The following PRDM5 variants were observed in gnomAD, a reference collection of about 807,000 sequenced individuals.
PRDM5 encodes the protein PR/SET domain 5.
Under a neutral mutation model 81.2 loss-of-function variants are expected in PRDM5, and 56 were observed. The observed-to-expected ratio is 0.69, with a 90% CI of 0.56 to 0.86. The LOEUF (loss-of-function observed/expected upper bound fraction) is 0.86. Among genes scored for constraint, PRDM5 ranks in the 40% least tolerant of loss-of-function variants. The pLI is 0.00. For synonymous variants in PRDM5, 267 were observed against 256.4 expected, an observed-to-expected ratio of 1.04 and a Z score of -0.39; for missense variants, 697 against 770.1, an observed-to-expected ratio of 0.91 and a Z score of 1.12.
intron 15 of PRDM5, among the ~76,000 whole-genome samples, chr4:120,705,434 A>C (rs1735967803): frequency 6.6e-6 from 1 of 152,222 alleles, no homozygotes; most frequent in East Asian, 1.9e-4. Context: ...ATCTGAAAGA[A>C]GCACATGAGC....
rs78118010 is a variant in PRDM5, at chr4:120,903,155, C to T, written c.177+4319G>A. Reference sequence around the variant, plus strand: ...TGTTCCATAACCACAACATATGTAACTATTTTTTTGAGAAGGACTACTCAT... The same window carrying T: ...TGTTCCATAACCACAACATATGTAATTATTTTTTTGAGAAGGACTACTCAT... On this transcript the variant is annotated intron_variant, in intron 2 of 15. Transcript: ENST00000264808. Among the ~76,000 whole-genome samples, 367 of 152,304 alleles carry T rather than the reference C, an allele frequency of 2.4e-3. 2 individuals carry two copies. The highest frequency in any genetic ancestry group is 8.3e-3 in the African/African-American group (343 of 41,560).
At chr4:120,888,355 A>G (rs1214971784) in intron 2 of PRDM5, among the ~76,000 whole-genome samples, 1 of 152,224 alleles carries the variant, frequency 6.6e-6, no homozygotes, top group Non-Finnish European at 1.5e-5. Context: ...AACTTTAGCT[A>G]AAGGGAATCA....
chr4:120,882,284 A>G (rs559411785), intron 2 of PRDM5, among the ~76,000 whole-genome samples: 13 of 152,250 alleles, frequency 8.5e-5, no homozygotes, highest in Non-Finnish European at 1.6e-4. Flanking sequence ...AGTAGATGGG[A>G]TTACAGGCAC....
chr4:120,811,570 T>G, intron 7 of PRDM5, 121 bp from the exon 8 acceptor site: 1 of 582,660 alleles, frequency 1.7e-6, no homozygotes, highest in Non-Finnish European at 3.0e-6. Context: ...CAATTCAGTG[T>G]TGTAGATATA....
At chr4:120,874,513 T>C (rs1332179941) in intron 2 of PRDM5, among the ~76,000 whole-genome samples, 1 of 152,200 alleles carries the variant, frequency 6.6e-6, no homozygotes, top group Non-Finnish European at 1.5e-5. Flanking sequence ...CTGCATGTGA[T>C]TGGTTTCAAT....
chr4:120,782,415 T>C (rs75558997), intron 11 of PRDM5, among the ~76,000 whole-genome samples: 30,226 of 151,880 alleles, frequency 0.2, 3,663 homozygotes, highest in Non-Finnish European at 0.28. Flanking sequence ...ATATGAAGAC[T>C]CTATTATTTC....
At position 120,856,745 on chromosome 4, in the gene PRDM5, T is replaced by C. The variant is rs79934242; in HGVS notation, c.178-3205A>G. 7.9e-5 allele frequency among the ~76,000 whole-genome samples: 12 copies of C among 152,328 alleles called. No homozygotes were observed. In the East Asian group the frequency reaches 2.1e-3, roughly 27 times the overall value. On this transcript the variant is annotated intron_variant, in intron 2 of 15. Transcript: ENST00000264808. ...TGATACTGAACCCTGAGGTAATAAA[T>C]TGAACATTTTTTAAATCTAAGGAAT...
chr4:120,816,849 G>C lies in PRDM5; in HGVS notation c.726C>G (p.Ser242=). The C allele has an allele frequency of 6.2e-7, 1 of 1,613,830 alleles. No individual in the cohort carries two copies. The highest frequency in any genetic ancestry group is 8.5e-7 in the Non-Finnish European group (1 of 1,179,718). The change falls in exon 6 of 16, where the codon TCC becomes TCG. Residue 242 remains serine, a synonymous_variant. Coordinates refer to ENST00000264808, the MANE Select transcript of PRDM5 (RefSeq NM_018699.4). ...RSFQCSVCNS[S]FSSASSFEQH... is the part of the protein sequence containing the mutation. ...CACAAAACCTCGATGCTGAACTGAA[G>C]GAAGAATTGCAAACAGAGCACTGAA...
intron 13 of PRDM5, among the ~76,000 whole-genome samples, chr4:120,766,519 T>C (rs1339070902): frequency 6.6e-6 from 1 of 152,178 alleles, no homozygotes; most frequent in Non-Finnish European, 1.5e-5. Flanking sequence ...AGTTTCTATG[T>C]TAAAGTTATC....
At chr4:120,739,534 C>A (rs772873175) in intron 14 of PRDM5, among the ~76,000 whole-genome samples, 16 of 152,072 alleles carry the variant, frequency 1.1e-4, no homozygotes, top group Non-Finnish European at 1.9e-4. Flanking sequence ...CAGTTCAATC[C>A]CTCACATCAA....
intron 4 of PRDM5, among the ~76,000 whole-genome samples, chr4:120,819,501 C>T (rs1327229438): frequency 6.6e-6 from 1 of 151,436 alleles, no homozygotes; most frequent in Non-Finnish European, 1.5e-5. Context: ...GCACATGTAC[C>T]CTAAAACTTA....
At chr4:120,709,608 A>G (rs906060176) in intron 15 of PRDM5, among the ~76,000 whole-genome samples, 6 of 152,150 alleles carry the variant, frequency 3.9e-5, no homozygotes, top group Admixed American at 2.6e-4. Flanking sequence ...GCACTGTGCC[A>G]TATCACACAG....
intron 7 of PRDM5, chr4:120,812,823 T>C: frequency 3.2e-6 from 1 of 313,800 alleles, no homozygotes; most frequent in South Asian, 2.7e-5. Flanking sequence ...TACTGTATAG[T>C]ATTAAAAGAG....
intron 3 of PRDM5, among the ~76,000 whole-genome samples, chr4:120,835,227 C>A (rs539593301): frequency 6.6e-6 from 1 of 152,198 alleles, no homozygotes; most frequent in Non-Finnish European, 1.5e-5. Context: ...TAATCAACCA[C>A]CAAAGAAATA....
chr4:120,892,982 C>T (rs1183516821), intron 2 of PRDM5, among the ~76,000 whole-genome samples: 2 of 152,230 alleles, frequency 1.3e-5, no homozygotes, highest in Non-Finnish European at 2.9e-5. Context: ...GGGAGTAGAG[C>T]AATCTTACTG....
In PRDM5 at chr4:120,920,337, A is replaced by T. The variant is rs151052643; in HGVS notation, c.93+2179T>A. Among the ~76,000 whole-genome samples the T allele has an allele frequency of 3.5e-4, 54 of 152,390 alleles. No homozygotes were observed. The East Asian group carries it at 0.01, about 29-fold the overall frequency. ...TTCCAACACATGTATTAAAAGTGGT[A>T]TCTTCCAAAATTTGTTTAGAATAGA... On this transcript the variant is annotated intron_variant, in intron 1 of 15. Transcript: ENST00000264808.
chr4:120,907,341 A>T, intron 2 of PRDM5, 133 bp downstream of exon 2: 2 of 844,064 alleles, frequency 2.4e-6, no homozygotes, highest in Non-Finnish European at 3.7e-6. Context: ...TCTCAAAAAA[A>T]AAAAAAAAAA....
chr4:120,818,677 T>A, intron 4 of PRDM5, 150 bp from the exon 5 acceptor site: 1 of 674,366 alleles, frequency 1.5e-6, no homozygotes, highest in South Asian at 2.0e-5. Flanking sequence ...TTAATAGTAT[T>A]TGGCCACAAA....
chr4:120,757,221 A>G (rs1744877114), intron 13 of PRDM5, among the ~76,000 whole-genome samples: 1 of 152,190 alleles, frequency 6.6e-6, no homozygotes, highest in South Asian at 2.1e-4. Context: ...CTGTCCATAG[A>G]CTTAAAAAGG....
Sources: allele counts gnomAD v4.1 joint callset (sites outside exome capture counted in the v4.1 genomes callset), GRCh38; gene constraint gnomAD v4.1.1; transcripts MANE v1.5; gene names NCBI Gene and HGNC (gene_info 2026-07-23, HGNC 2026-07-21).